Variants in SCHIP1 observed in about 807,000 individuals in gnomAD.
SCHIP1 encodes the protein schwannomin-interacting protein 1.
SCHIP1 carries 8 observed loss-of-function variants against 29.7 expected under a neutral mutation model. The observed-to-expected ratio is 0.27, with a 90% CI of 0.16 to 0.49. The LOEUF (loss-of-function observed/expected upper bound fraction) is 0.49, where lower values mean the gene tolerates loss of function less well. SCHIP1 is among the 20% of genes least tolerant of loss of function. The probability of loss-of-function intolerance (pLI) is 0.99; values close to 1 mark genes in which losing one functional copy is unlikely to be tolerated. For missense variants in SCHIP1, 193 were observed against 294.6 expected (o/e 0.66, Z 2.52); for synonymous variants, 76 against 94.9 (o/e 0.80, Z 1.16).
chr3:159,275,973 G>T, the SCHIP1 span, among the ~76,000 whole-genome samples: 1 of 152,136 alleles, frequency 6.6e-6, no homozygotes, highest in South Asian at 2.1e-4. Flanking sequence ...CCCTTGCAAG[G>T]GATTTATAAC....
the SCHIP1 span, among the ~76,000 whole-genome samples, chr3:159,324,821 C>T: frequency 7.9e-5 from 12 of 152,110 alleles, no homozygotes; most frequent in East Asian, 3.9e-4. Context: ...TCATTTTCTA[C>T]GTGAATCTTG....
chr3:159,667,632 GT>G, the SCHIP1 span, among the ~76,000 whole-genome samples: 1 of 152,182 alleles, frequency 6.6e-6, no homozygotes. Flanking sequence ...AGGAAAGAGT[GT>G]TTGGAACACT....
intron 1 of SCHIP1, among the ~76,000 whole-genome samples, chr3:159,843,001 CTTTTTTTTTT>C (rs566940351): frequency 2.4e-4 from 15 of 63,710 alleles, no homozygotes; most frequent in East Asian, 4.4e-4. Flanking sequence ...ATATTTCTTT[CTTTTTTTTTT>C]TTTTTTTTTT....
At chr3:159,658,492 T>G in the SCHIP1 span, among the ~76,000 whole-genome samples, 2 of 152,344 alleles carry the variant, frequency 1.3e-5, no homozygotes, top group East Asian at 3.9e-4. Flanking sequence ...GTTGTCCTAC[T>G]TTTACTTGTG....
chr3:159,274,168 A>G, the SCHIP1 span: 5 of 985,160 alleles, frequency 5.1e-6, no homozygotes, highest in African/African-American at 8.7e-5. Flanking sequence ...ATTGCAGTGG[A>G]CTTTGGAAAT....
chr3:159,324,708 C>T, the SCHIP1 span, among the ~76,000 whole-genome samples: 7 of 152,052 alleles, frequency 4.6e-5, no homozygotes, highest in Admixed American at 6.5e-5. Context: ...CACCTCTAAC[C>T]AGCATCTATC....
the SCHIP1 span, among the ~76,000 whole-genome samples, chr3:159,730,823 A>G: frequency 6.6e-6 from 1 of 152,308 alleles, no homozygotes; most frequent in South Asian, 2.1e-4. Flanking sequence ...CATTTACTAA[A>G]CAATTATTTA....
the SCHIP1 span, among the ~76,000 whole-genome samples, chr3:159,494,871 A>C: frequency 6.6e-6 from 1 of 152,218 alleles, no homozygotes; most frequent in Admixed American, 6.5e-5. Context: ...AATACTGGCA[A>C]ACCGAATCCA....
chr3:159,754,513 T>C, the SCHIP1 span, among the ~76,000 whole-genome samples: 1 of 152,244 alleles, frequency 6.6e-6, no homozygotes, highest in Non-Finnish European at 1.5e-5. Context: ...AATATCTTTA[T>C]ACTTACAAAA....
chr3:159,625,643 T>C, the SCHIP1 span, among the ~76,000 whole-genome samples: 1 of 152,182 alleles, frequency 6.6e-6, no homozygotes, highest in African/African-American at 2.4e-5. Context: ...ACCATGGAAC[T>C]GGGCAAAGGC....
the SCHIP1 span, among the ~76,000 whole-genome samples, chr3:159,370,673 G>C: frequency 6.6e-6 from 1 of 152,084 alleles, no homozygotes; most frequent in African/African-American, 2.4e-5. Context: ...GGCCCAGAGA[G>C]AACAAAAAAG....
the SCHIP1 span, among the ~76,000 whole-genome samples, chr3:159,782,497 T>C: frequency 2.0e-5 from 3 of 152,266 alleles, no homozygotes; most frequent in African/African-American, 7.2e-5. Flanking sequence ...TATGTACTTC[T>C]ATATAAGATT....
At chr3:159,645,904 T>C in the SCHIP1 span, among the ~76,000 whole-genome samples, 3 of 152,154 alleles carry the variant, frequency 2.0e-5, no homozygotes, top group Admixed American at 2.0e-4. Context: ...AGAAAACACA[T>C]TCAATTTTGA....
the SCHIP1 span, among the ~76,000 whole-genome samples, chr3:159,629,304 C>G: frequency 5.3e-5 from 8 of 152,186 alleles, no homozygotes; most frequent in Admixed American, 6.5e-5. Context: ...AAAAGAAAAA[C>G]AAAAACAAAA....
At chr3:159,488,408 AC>A in the SCHIP1 span, among the ~76,000 whole-genome samples, 1 of 152,172 alleles carries the variant, frequency 6.6e-6, no homozygotes, top group African/African-American at 2.4e-5. Context: ...TGATTGTTAC[AC>A]TTTGTATCGC....
At chr3:159,629,521 G>T in the SCHIP1 span, among the ~76,000 whole-genome samples, 10 of 152,082 alleles carry the variant, frequency 6.6e-5, no homozygotes, top group Non-Finnish European at 1.2e-4. Context: ...CTATCAACAG[G>T]CCTGGCAGTT....
At chr3:159,523,874 A>G in the SCHIP1 span, among the ~76,000 whole-genome samples, 1 of 152,236 alleles carries the variant, frequency 6.6e-6, no homozygotes, top group Non-Finnish European at 1.5e-5. Flanking sequence ...TCACACAGGA[A>G]AGAAAGAATT....
At chr3:159,725,190 T>C in the SCHIP1 span, among the ~76,000 whole-genome samples, 4 of 152,126 alleles carry the variant, frequency 2.6e-5, no homozygotes, top group African/African-American at 9.7e-5. Flanking sequence ...CCATCTTGTA[T>C]CTCTGCCACC....
the SCHIP1 span, among the ~76,000 whole-genome samples, chr3:159,368,699 C>T: frequency 6.6e-6 from 1 of 150,964 alleles, no homozygotes; most frequent in South Asian, 2.1e-4. Flanking sequence ...ACATGTCTAA[C>T]AATCCCTACG....
Sources: allele counts gnomAD v4.1 joint callset (sites outside exome capture counted in the v4.1 genomes callset), GRCh38; gene constraint gnomAD v4.1.1; transcripts MANE v1.5; gene names NCBI Gene and HGNC (gene_info 2026-07-23, HGNC 2026-07-21).